The following FAF1 variants were observed in gnomAD, a reference collection of about 807,000 sequenced individuals.
FAF1 encodes FAS-associated factor 1.
In FAF1, 25 loss-of-function variants were observed where a neutral mutation model predicts 92.5. The observed-to-expected ratio is 0.27, with a 90% CI of 0.20 to 0.38. The LOEUF is 0.38. Ranked by LOEUF, FAF1 falls within the 10% of genes least tolerant of loss-of-function variation. The pLI, the probability that FAF1 is intolerant of heterozygous loss-of-function variation, is 1.00. For missense variants in FAF1, 636 were observed against 793.3 expected (o/e 0.80, Z 2.38); for synonymous variants, 234 against 273.2 (o/e 0.86, Z 1.42).
At chr1:50,799,301 T>C (rs1041694873) in intron 3 of FAF1, among the ~76,000 whole-genome samples, 10 of 152,196 alleles carry the variant, frequency 6.6e-5, no homozygotes, top group African/African-American at 2.2e-4. Flanking sequence ...ATGTAAAATG[T>C]AAACATTTAC....
intron 7 of FAF1, among the ~76,000 whole-genome samples, chr1:50,701,758 C>G (rs1657483455): frequency 6.6e-6 from 1 of 152,052 alleles, no homozygotes; most frequent in Admixed American, 6.6e-5. Flanking sequence ...ACTCTATTGG[C>G]TTCCCATTTA....
intron 8 of FAF1, among the ~76,000 whole-genome samples, chr1:50,617,077 A>G (rs1371563393): frequency 6.6e-6 from 1 of 152,234 alleles, no homozygotes; most frequent in Non-Finnish European, 1.5e-5. Flanking sequence ...ATAGAATCAT[A>G]TCATCAGCAA....
chr1:50,853,185 C>G (rs919878397), intron 2 of FAF1, among the ~76,000 whole-genome samples: 4 of 152,142 alleles, frequency 2.6e-5, no homozygotes, highest in African/African-American at 7.2e-5. Flanking sequence ...AGGACCTCTA[C>G]AGCCACATCC....
intron 15 of FAF1, among the ~76,000 whole-genome samples, chr1:50,515,374 TAAACC>T (rs1290936717): frequency 1.3e-5 from 2 of 152,172 alleles, no homozygotes; most frequent in Non-Finnish European, 2.9e-5. Flanking sequence ...TTCTTTCCAC[TAAACC>T]AGTGGTTCTT....
intron 7 of FAF1, among the ~76,000 whole-genome samples, chr1:50,666,750 G>A (rs1655652659): frequency 6.6e-6 from 1 of 152,060 alleles, no homozygotes; most frequent in African/African-American, 2.4e-5. Context: ...AGGCATGGTG[G>A]CACACATCTG....
At chr1:50,843,039 C>T (rs1390999991) in intron 2 of FAF1, among the ~76,000 whole-genome samples, 1 of 152,114 alleles carries the variant, frequency 6.6e-6, no homozygotes, top group Non-Finnish European at 1.5e-5. Flanking sequence ...GAGATAAATT[C>T]ATTTTGGAAT....
intron 8 of FAF1, among the ~76,000 whole-genome samples, chr1:50,598,869 C>T (rs1651957422): frequency 6.6e-6 from 1 of 152,010 alleles, no homozygotes; most frequent in African/African-American, 2.4e-5. Context: ...ACTTGGGAGG[C>T]TGAGGCAGGA....
chr1:50,622,170 A>AT (rs1653244118), intron 8 of FAF1, among the ~76,000 whole-genome samples: 3 of 151,842 alleles, frequency 2.0e-5, no homozygotes, highest in East Asian at 1.9e-4. Flanking sequence ...ATCTCAAAAA[A>AT]AAAAAAATAA....
chr1:50,638,671 C>T (rs948175369), intron 8 of FAF1, among the ~76,000 whole-genome samples: 4 of 151,970 alleles, frequency 2.6e-5, no homozygotes, highest in Non-Finnish European at 4.4e-5. Flanking sequence ...GTGTTGAACT[C>T]CTGACATTGT....
intron 1 of FAF1, among the ~76,000 whole-genome samples, chr1:50,892,447 C>T (rs1644727755): frequency 6.6e-6 from 1 of 152,204 alleles, no homozygotes; most frequent in Non-Finnish European, 1.5e-5. Context: ...ACACTGGGAG[C>T]TACAGACTAG....
intron 1 of FAF1, among the ~76,000 whole-genome samples, chr1:50,861,882 G>C (rs1293948484): frequency 6.6e-6 from 1 of 151,754 alleles, no homozygotes; most frequent in Admixed American, 6.6e-5. Context: ...GTGAGAAAGA[G>C]AGCCCTCACC....
chr1:50,885,943 A>G (rs950972212), intron 1 of FAF1, among the ~76,000 whole-genome samples: 5 of 152,278 alleles, frequency 3.3e-5, no homozygotes, highest in Non-Finnish European at 7.4e-5. Context: ...AACTGTTTAC[A>G]TAAACAAAAA....
chr1:50,856,789 C>T (rs928543509), intron 2 of FAF1, among the ~76,000 whole-genome samples: 1 of 151,568 alleles, frequency 6.6e-6, no homozygotes, highest in African/African-American at 2.4e-5. Flanking sequence ...TAGCAAAATG[C>T]TGCAAAAATC....
chr1:50,913,158 G>T (rs763513679), intron 1 of FAF1, among the ~76,000 whole-genome samples: 3 of 152,116 alleles, frequency 2.0e-5, no homozygotes, highest in Non-Finnish European at 2.9e-5. Context: ...ACTATACATG[G>T]CATGAGTGCA....
intron 1 of FAF1, among the ~76,000 whole-genome samples, chr1:50,940,083 G>T (rs1158596038): frequency 1.3e-5 from 2 of 151,878 alleles, no homozygotes; most frequent in African/African-American, 4.8e-5. Flanking sequence ...GCTAATTTTT[G>T]TATTTTTTTG....
intron 18 of FAF1, among the ~76,000 whole-genome samples, chr1:50,454,040 T>G (rs1402279128): frequency 6.6e-6 from 1 of 152,246 alleles, no homozygotes; most frequent in Non-Finnish European, 1.5e-5. Context: ...GTGTACCACC[T>G]TATGGACCTG....
At chr1:50,707,109 A>G (rs1657704945) in intron 6 of FAF1, among the ~76,000 whole-genome samples, 1 of 151,596 alleles carries the variant, frequency 6.6e-6, no homozygotes, top group Non-Finnish European at 1.5e-5. Context: ...AGGCTGAGGC[A>G]GAGGAATGGC....
intron 8 of FAF1, among the ~76,000 whole-genome samples, chr1:50,601,508 C>T (rs1439604643): frequency 6.6e-6 from 1 of 152,054 alleles, no homozygotes; most frequent in Non-Finnish European, 1.5e-5. Context: ...GTGGTGAAAC[C>T]CCGTCTCTAC....
chr1:50,936,618 A>T (rs960190917), intron 1 of FAF1, among the ~76,000 whole-genome samples: 1 of 152,254 alleles, frequency 6.6e-6, no homozygotes, highest in African/African-American at 2.4e-5. Context: ...ATTCTATGTA[A>T]GCAATTTAAT....
Sources: gnomAD v4.1 joint callset for allele counts (sites outside exome capture counted in the v4.1 genomes callset) on GRCh38, gnomAD v4.1.1 for gene constraint, MANE v1.5 for transcripts, NCBI Gene and HGNC (gene_info 2026-07-23, HGNC 2026-07-21) for gene names.